ADRA1B: variants seen among roughly 807,000 people sequenced by gnomAD.
ADRA1B encodes the protein adrenoceptor alpha 1B, also known as alpha-1B adrenergic receptor.
ADRA1B carries 17 observed loss-of-function variants against 17.9 expected under a neutral mutation model. That is an observed-to-expected ratio of 0.95 (90% confidence interval 0.65 to 1.42). ADRA1B has a LOEUF of 1.42. Ranked by LOEUF, ADRA1B falls within the 40% of genes most tolerant of loss-of-function variation. The pLI is 0.00. For synonymous variants in ADRA1B, 366 were observed against 327.6 expected (o/e 1.12, Z -1.27); for missense variants, 681 against 722.1 (o/e 0.94, Z 0.65).
chr5:159,944,566 C>A (rs1169377247), intron 1 of ADRA1B, among the ~76,000 whole-genome samples: 3 of 152,212 alleles, frequency 2.0e-5, no homozygotes, highest in Non-Finnish European at 4.4e-5. Flanking sequence ...TGATTGCTTG[C>A]TCATGATGAA....
intron 1 of ADRA1B, chr5:159,950,515 G>C (rs1282184925): frequency 5.3e-6 from 8 of 1,514,390 alleles, no homozygotes; most frequent in Non-Finnish European, 6.3e-6. Context: ...GGCTATGTGG[G>C]CCATGAGGTC....
At chr5:159,944,119 A>G (rs1755209077) in intron 1 of ADRA1B, among the ~76,000 whole-genome samples, 1 of 152,194 alleles carries the variant, frequency 6.6e-6, no homozygotes, top group African/African-American at 2.4e-5. Context: ...TTAAAGTGGC[A>G]GGCCCTGTTT....
At chr5:159,912,532 C>T (rs894401322), upstream of ADRA1B, among the ~76,000 whole-genome samples, 1 of 152,208 alleles carries the variant, frequency 6.6e-6, no homozygotes, top group Non-Finnish European at 1.5e-5. Context: ...TACTAAGGAG[C>T]CTGGTCACAT....
intron 1 of ADRA1B, among the ~76,000 whole-genome samples, chr5:159,885,453 A>G (rs1432677): frequency 0.86 from 130,511 of 152,192 alleles, 56,391 homozygotes; most frequent in African/African-American, 0.96. Context: ...ACATAAGCAC[A>G]TATTTGCTAA....
At chr5:159,975,629 G>T (rs1430561352), downstream of ADRA1B, among the ~76,000 whole-genome samples, 2 of 152,242 alleles carry the variant, frequency 1.3e-5, no homozygotes, top group African/African-American at 4.8e-5. Flanking sequence ...AGCATAGAGA[G>T]GCGGTAGCAG....
chr5:159,904,271 A>G (rs1295617150), intron 1 of ADRA1B, among the ~76,000 whole-genome samples: 7 of 152,224 alleles, frequency 4.6e-5, no homozygotes, highest in Non-Finnish European at 1.0e-4. Context: ...GCCTGGCCTC[A>G]GTTTCCCCAC....
intron 1 of ADRA1B, among the ~76,000 whole-genome samples, chr5:159,872,410 A>G (rs1413617353): frequency 6.6e-6 from 1 of 152,214 alleles, no homozygotes; most frequent in African/African-American, 2.4e-5. Context: ...GCTTGCAGAG[A>G]TAAGATCCCT....
At chr5:159,906,585 C>T (rs147353627) in intron 1 of ADRA1B, among the ~76,000 whole-genome samples, 1,563 of 152,326 alleles carry the variant, frequency 0.01, 8 homozygotes, top group Middle Eastern at 0.024. Context: ...CTCTAGATGA[C>T]TTTTATTCCC....
At chr5:159,904,366 A>G (rs370234125) in intron 1 of ADRA1B, among the ~76,000 whole-genome samples, 13 of 152,234 alleles carry the variant, frequency 8.5e-5, no homozygotes, top group African/African-American at 3.1e-4. Flanking sequence ...AAGGCACAGC[A>G]CATGAAAAAG....
intron 1 of ADRA1B, among the ~76,000 whole-genome samples, chr5:159,924,036 A>G (rs541117357): frequency 2.0e-5 from 3 of 152,392 alleles, no homozygotes; most frequent in African/African-American, 4.8e-5. Flanking sequence ...CTCAATAAAC[A>G]TTCATTATAT....
At chr5:159,894,390 C>T (rs1392023067) in intron 1 of ADRA1B, among the ~76,000 whole-genome samples, 1 of 152,150 alleles carries the variant, frequency 6.6e-6, no homozygotes, top group Non-Finnish European at 1.5e-5. Flanking sequence ...CTTCAAATAC[C>T]ATATAATACG....
chr5:159,901,862 G>C (rs2113121138), intron 1 of ADRA1B, among the ~76,000 whole-genome samples: 1 of 152,298 alleles, frequency 6.6e-6, no homozygotes, highest in East Asian at 1.9e-4. Flanking sequence ...TTGTTAGTGA[G>C]GTTGGGGAGA....
intron 1 of ADRA1B, among the ~76,000 whole-genome samples, chr5:159,904,038 G>A (rs1295551203): frequency 6.6e-6 from 1 of 152,146 alleles, no homozygotes; most frequent in East Asian, 1.9e-4. Flanking sequence ...TAACAACGAT[G>A]TTCTCTTGAT....
intron 1 of ADRA1B, among the ~76,000 whole-genome samples, chr5:159,879,771 G>A (rs895341340): frequency 2.6e-5 from 4 of 152,128 alleles, no homozygotes; most frequent in South Asian, 2.1e-4. Context: ...CGAGGCGGGC[G>A]GATCACTTGA....
chr5:159,867,789 G>A (rs1192824911), intron 1 of ADRA1B: 1 of 152,154 alleles, frequency 6.6e-6, no homozygotes, highest in Non-Finnish European at 1.5e-5. Context: ...TCATAATAGA[G>A]CTCCTGAGTG....
At position 159,963,414 on chromosome 5, in the gene ADRA1B, C is replaced by G. The variant is rs536403338; in HGVS notation, c.950-8465C>G. 2.0e-5 allele frequency among the ~76,000 whole-genome samples: 3 copies of G among 152,144 alleles called. No individual in the cohort carries two copies. In the South Asian group the frequency reaches 6.2e-4, roughly 32 times the overall value. On this transcript the variant is annotated intron_variant, in intron 1 of 1. Coordinates refer to ENST00000306675, the MANE Select transcript of ADRA1B (RefSeq NM_000679.4). ...ATTTAAATTCTAACTCTATTACCTACTAGCTCTGTGGCCTCGGGCAACTTA... is the reference window on the plus strand; with the variant it reads ...ATTTAAATTCTAACTCTATTACCTAGTAGCTCTGTGGCCTCGGGCAACTTA...
In ADRA1B at chr5:159,972,296, T is replaced by TG. The variant is rs1755889773; in HGVS notation, c.1368dup (p.Pro457AlafsTer4). 1.4e-6 allele frequency: 2 copies of TG among 1,418,670 alleles called. No individual in the cohort carries two copies. Among genetic ancestry groups the TG allele is most frequent in the Admixed American group, 5.7e-5 (2 of 35,086 alleles). The allele number at this position is 1,418,670 out of a possible 1,614,324, so 87.9% of individuals were successfully genotyped here. On this transcript the variant is annotated frameshift_variant, in exon 2 of 2. Transcript: ENST00000306675. LOFTEE classifies it high-confidence loss of function. ...AAGGCGCCCGGCGCCCTCCTGAGCC[T>TG]GCCCGCGCCTGAGCCCCCCGGCCGC...
intron 1 of ADRA1B, among the ~76,000 whole-genome samples, chr5:159,965,035 G>A (rs958910028): frequency 2.6e-5 from 4 of 152,136 alleles, no homozygotes; most frequent in African/African-American, 4.8e-5. Context: ...AGCTGAGAAT[G>A]CCAGGGCTAG....
chr5:159,984,729 C>A, the ADRA1B span, among the ~76,000 whole-genome samples: 1 of 149,166 alleles, frequency 6.7e-6, no homozygotes, highest in African/African-American at 2.5e-5. Context: ...GATACCCCAT[C>A]CCTACTAAAA....
Sources: gnomAD v4.1 joint callset for allele counts (sites outside exome capture counted in the v4.1 genomes callset) on GRCh38, gnomAD v4.1.1 for gene constraint, MANE v1.5 for transcripts, NCBI Gene and HGNC (gene_info 2026-07-23, HGNC 2026-07-21) for gene names.